The following PSD3 variants were observed in gnomAD, a reference collection of about 807,000 sequenced individuals.
PSD3 encodes pleckstrin and Sec7 domain containing 3, also known as PH and SEC7 domain-containing protein 3.
PSD3 carries 49 observed loss-of-function variants against 105.5 expected under a neutral mutation model. That is an observed-to-expected ratio of 0.46 (90% confidence interval 0.37 to 0.59). PSD3 has a LOEUF of 0.59. Ranked by LOEUF, PSD3 falls within the 20% of genes least tolerant of loss-of-function variation. The pLI, the probability that PSD3 is intolerant of heterozygous loss-of-function variation, is 0.00. For missense variants in PSD3, 1,561 were observed against 1,263.8 expected (o/e 1.24, Z -3.57); for synonymous variants, 557 against 457.8 (o/e 1.22, Z -2.77).
intron 4 of PSD3, among the ~76,000 whole-genome samples, chr8:18,836,691 G>A (rs750315095): frequency 7.2e-5 from 11 of 152,002 alleles, no homozygotes; most frequent in Non-Finnish European, 8.8e-5. Context: ...TACACACACC[G>A]TCTGGTACAC....
In PSD3 at chr8:18,727,730, T is replaced by C. The variant is rs959499597; in HGVS notation, c.2172+37719A>G. On this transcript the variant is annotated intron_variant, in intron 9 of 15. Coordinates refer to ENST00000327040, the MANE Select transcript of PSD3 (RefSeq NM_015310.4). The stretch of plus-strand genomic sequence containing the variant: ...TTACTTTCAGTGTCTGCATACCAGT[T>C]ACAGACGAAAAGTCTCTTTTGCTCA... Among the ~76,000 whole-genome samples the C allele has an allele frequency of 7.2e-5, 11 of 152,222 alleles. No homozygotes were observed. The East Asian group carries it at 1.9e-3, about 27-fold the overall frequency.
intron 4 of PSD3, among the ~76,000 whole-genome samples, chr8:18,853,675 T>C (rs954433631): frequency 6.6e-6 from 1 of 152,222 alleles, no homozygotes; most frequent in Non-Finnish European, 1.5e-5. Context: ...AGAGCAGTGA[T>C]ATACCAAAAT....
In PSD3 at chr8:18,617,529, C is replaced by G. The variant is rs183595708; in HGVS notation, c.2410+15084G>C. Among the ~76,000 whole-genome samples, 12 of 152,274 alleles carry G rather than the reference C, an allele frequency of 7.9e-5. No individual in the cohort carries two copies. In the East Asian group the frequency reaches 2.3e-3, roughly 29 times the overall value. On this transcript the variant is annotated intron_variant, in intron 11 of 15. Transcript: ENST00000327040. ...CTGGGTGACAAGAGCGAAACTCCAT[C>G]TCAAAAACAAACAAACAAAACTCTT...
Position 18,985,732 on chromosome 8 carries a change from T to C in PSD3, c.21+27831A>G, listed in dbSNP as rs1021375269. On this transcript the variant is annotated intron_variant, in intron 1 of 15. Coordinates refer to ENST00000327040, the MANE Select transcript of PSD3 (RefSeq NM_015310.4). ...ATTTCAATGAAGTCAATGGCACTTA[T>C]CAGTAAAAAATCATTTTTTAAGTTG... 3.3e-5 allele frequency among the ~76,000 whole-genome samples: 5 copies of C among 152,290 alleles called. No homozygotes were observed. The East Asian group carries it at 9.6e-4, about 29-fold the overall frequency.
rs73666724 is a variant in PSD3, at chr8:18,804,694, C to G, written c.1829+10G>C. On this transcript the variant is annotated intron_variant, in intron 5 of 15. Coordinates refer to ENST00000327040, the MANE Select transcript of PSD3 (RefSeq NM_015310.4). ...GAGAATTCAGACTCCAGCAATGGGT[C>G]AGAACGTACTTCTTGCCAAGGTGTT... 1 of 1,613,366 alleles carries G rather than the reference C, an allele frequency of 6.2e-7. No homozygotes were observed. The highest frequency in any genetic ancestry group is 1.1e-5 in the South Asian group (1 of 90,906).
intron 9 of PSD3, among the ~76,000 whole-genome samples, chr8:18,759,092 A>ACACACACACACACT (rs756248977): frequency 4.9e-5 from 7 of 143,862 alleles, no homozygotes; most frequent in Non-Finnish European, 1.1e-4. Context: ...ACACACACAC[A>ACACACACACACACT]CTCTCTCTCT....
chr8:18,631,985 T>A (rs1806937130), intron 11 of PSD3, among the ~76,000 whole-genome samples: 1 of 152,176 alleles, frequency 6.6e-6, no homozygotes, highest in South Asian at 2.1e-4. Context: ...AAGCATGCTC[T>A]ATTCTTCTCA....
chr8:18,952,658 G>T (rs1174465589), intron 1 of PSD3, among the ~76,000 whole-genome samples: 1 of 152,138 alleles, frequency 6.6e-6, no homozygotes, highest in African/African-American at 2.4e-5. Context: ...CCATTATTTA[G>T]AGCACAATAA....
chr8:18,733,273 T>C (rs1011437565), intron 9 of PSD3: 3 of 152,178 alleles, frequency 2.0e-5, no homozygotes, highest in African/African-American at 4.8e-5. Context: ...GAGGTTCTAC[T>C]TTTTAGGGTC....
rs1816795025 is a variant in PSD3 at position 18,865,261 on chromosome 8, TATATATATATATA to T, written c.1634+2400_1634+2412del. On this transcript the variant is annotated intron_variant, in intron 4 of 15. Coordinates refer to ENST00000327040, the MANE Select transcript of PSD3 (RefSeq NM_015310.4). ...ATATATATATATATATATATATATATATATATATATATATATATATATATATTTTTTTTTTTTT... is the reference window on the plus strand; with the variant it reads ...ATATATATATATATATATATATATATTATATATATATATTTTTTTTTTTTT... 10 of 7,796 alleles carry T rather than the reference TATATATATATATA, an allele frequency of 1.3e-3. 1 individual carries two copies. Among genetic ancestry groups the T allele is most frequent in the Non-Finnish European group, 2.0e-3 (9 of 4,428 alleles). The allele number at this position is 7,796 out of a possible 1,614,324, so 0.5% of individuals were successfully genotyped here. A position where few individuals can be genotyped will look rare whatever the true frequency, so the allele number is the denominator to read the frequency against.
intron 2 of PSD3, among the ~76,000 whole-genome samples, chr8:18,878,227 T>G (rs1817862803): frequency 6.6e-6 from 1 of 152,236 alleles, no homozygotes; most frequent in Non-Finnish European, 1.5e-5. Context: ...TTCAAATTTC[T>G]TTAGATCATT....
intron 1 of PSD3, among the ~76,000 whole-genome samples, chr8:18,989,584 A>T (rs1825685909): frequency 6.6e-6 from 1 of 152,248 alleles, no homozygotes; most frequent in Non-Finnish European, 1.5e-5. Flanking sequence ...TTAATAAATT[A>T]TCTTGGGCAA....
chr8:18,628,397 TG>T (rs1480170182), intron 11 of PSD3, among the ~76,000 whole-genome samples: 1 of 151,926 alleles, frequency 6.6e-6, no homozygotes, highest in Non-Finnish European at 1.5e-5. Flanking sequence ...AGACTTTTTT[TG>T]TCTGAAATCC....
At chr8:18,612,846 A>T (rs1805368439) in intron 11 of PSD3, among the ~76,000 whole-genome samples, 1 of 152,210 alleles carries the variant, frequency 6.6e-6, no homozygotes, top group African/African-American at 2.4e-5. Flanking sequence ...ACAATAGAAG[A>T]GACAAAAGCT....
chr8:18,714,200 A>G (rs899516370), intron 9 of PSD3, among the ~76,000 whole-genome samples: 23 of 152,236 alleles, frequency 1.5e-4, no homozygotes, highest in South Asian at 4.1e-4. Flanking sequence ...AGGCAATACC[A>G]TTCAGGACAT....
At chr8:18,554,600 A>G (rs984892758) in intron 15 of PSD3, among the ~76,000 whole-genome samples, 10 of 152,298 alleles carry the variant, frequency 6.6e-5, no homozygotes, top group Admixed American at 6.5e-4. Context: ...CAGAAATATT[A>G]TAACTCAGAG....
At chr8:18,715,015 C>G (rs765101385) in intron 9 of PSD3, among the ~76,000 whole-genome samples, 5 of 152,156 alleles carry the variant, frequency 3.3e-5, no homozygotes, top group Non-Finnish European at 5.9e-5. Context: ...TCATCCTCAG[C>G]AAACTAATGC....
chr8:19,082,080 T>G (rs928376919), intron 1 of PSD3, among the ~76,000 whole-genome samples: 5 of 152,190 alleles, frequency 3.3e-5, no homozygotes, highest in Admixed American at 1.3e-4. Flanking sequence ...GATTGAGTAA[T>G]TCTCACACAC....
At chr8:19,048,833 A>G (rs1828417664) in intron 1 of PSD3, among the ~76,000 whole-genome samples, 1 of 152,216 alleles carries the variant, frequency 6.6e-6, no homozygotes, top group Admixed American at 6.5e-5. Flanking sequence ...ACAAAACACC[A>G]CAGACTGGGT....
Sources: gnomAD v4.1 joint callset for allele counts (sites outside exome capture counted in the v4.1 genomes callset) on GRCh38, gnomAD v4.1.1 for gene constraint, MANE v1.5 for transcripts, NCBI Gene and HGNC (gene_info 2026-07-23, HGNC 2026-07-21) for gene names.